KCTD15: variants seen among roughly 807,000 people sequenced by gnomAD.
The protein encoded by KCTD15 is potassium channel tetramerization domain containing 15.
KCTD15 carries 11 observed loss-of-function variants against 27.2 expected under a neutral mutation model. That is an observed-to-expected ratio of 0.41 (90% CI 0.25 to 0.67). The LOEUF is 0.67. KCTD15 is among the 30% of genes least tolerant of loss of function. The probability of loss-of-function intolerance (pLI) is 0.35; values close to 1 mark genes in which losing one functional copy is unlikely to be tolerated. For synonymous variants in KCTD15, 163 were observed against 176.0 expected, an observed-to-expected ratio of 0.93 and a Z score of 0.58; for missense variants, 350 against 409.3, an observed-to-expected ratio of 0.86 and a Z score of 1.25.
Position 33,812,895 on chromosome 19 carries a change from C to T in KCTD15, c.799C>T (p.Arg267Trp), listed in dbSNP as rs1420572296. ...SEYVLCREERRPQPTPTAVRI... is the reference protein window; with the variant it reads ...SEYVLCREERWPQPTPTAVRI... ...GTATGTGCTTTGCCGGGAGGAGCGGCGGCCGCAGCCCACCCCCACTGCTGT... is the reference window on the plus strand; with the variant it reads ...GTATGTGCTTTGCCGGGAGGAGCGGTGGCCGCAGCCCACCCCCACTGCTGT... Residue 267 changes from arginine to tryptophan, a missense_variant, in exon 7 of 7, where the codon CGG becomes TGG. Transcript: ENST00000683859. 9 of 1,549,818 alleles carry T rather than the reference C, an allele frequency of 5.8e-6. No individual in the cohort carries two copies. The highest frequency in any genetic ancestry group is 1.2e-5 in the South Asian group (1 of 83,902).
chr19:33,804,618 CA>C (rs1262894687), intron 4 of KCTD15, among the ~76,000 whole-genome samples: 2 of 152,218 alleles, frequency 1.3e-5, no homozygotes, highest in African/African-American at 4.8e-5. Context: ...TGGTATCTGG[CA>C]GCCTGGGACA....
rs74578614 is a variant in KCTD15 at position 33,807,130 on chromosome 19, C to T, written c.387+123C>T. On this transcript the variant is annotated intron_variant, in intron 5 of 6. Transcript: ENST00000683859. ...ACCATAAAAAGTTAAACGATGAAGC[C>T]GAGGGCTAAATCAGTTTTTCTAAAC... The T allele has an allele frequency of 5.5e-5, 66 of 1,194,438 alleles. 1 individual carries two copies. The highest frequency in any genetic ancestry group is 4.5e-4 in the South Asian group (29 of 64,988). The allele number at this position is 1,194,438 out of a possible 1,614,324, so 74.0% of individuals were successfully genotyped here. A position where few individuals can be genotyped will look rare whatever the true frequency, so the allele number is the denominator to read the frequency against.
intron 2 of KCTD15, among the ~76,000 whole-genome samples, chr19:33,799,394 G>A (rs540731791): frequency 3.9e-5 from 6 of 152,334 alleles, no homozygotes; most frequent in East Asian, 1.9e-4. Flanking sequence ...TTCGAGAGAC[G>A]TCCAGGGTAG....
rs1975991682 is a variant in KCTD15 at position 33,813,336 on chromosome 19, A to G, written c.*388A>G. 2.1e-6 allele frequency: 1 copy of G among 484,094 alleles called. No individual in the cohort carries two copies. 30.0% of individuals were successfully genotyped at this position (484,094 alleles called of 1,614,324 possible). On this transcript the variant is annotated 3_prime_UTR_variant, in exon 7 of 7. Transcript: ENST00000683859. ...CGGGGCAGACTCTGGCGGGTCTCCT[A>G]GCGTCCGAGAGATGGCTTATTTTCT...
chr19:33,813,135 C>A lies in KCTD15; in HGVS notation c.*187C>A. The A allele has an allele frequency of 1.5e-6, 1 of 645,912 alleles. No homozygotes were observed. The highest frequency in any genetic ancestry group is 2.7e-6 in the Non-Finnish European group (1 of 366,030). 40.0% of individuals were successfully genotyped at this position (645,912 alleles called of 1,614,324 possible). A position where few individuals can be genotyped will look rare whatever the true frequency, so the allele number is the denominator to read the frequency against. On this transcript the variant is annotated 3_prime_UTR_variant, in exon 7 of 7. Transcript: ENST00000683859. ...ACGTGGGATGCTGGAGGCATGCCTG[C>A]AGAAGGACTGTTGATGCGACCCAAA...
chr19:33,794,447 T>C (rs1345333251), upstream of KCTD15, among the ~76,000 whole-genome samples: 1 of 152,206 alleles, frequency 6.6e-6, no homozygotes, highest in African/African-American at 2.4e-5. Context: ...TTAATTTATA[T>C]GTATATATTC....
chr19:33,800,163 C>T (rs1370885589), intron 2 of KCTD15, among the ~76,000 whole-genome samples: 1 of 152,150 alleles, frequency 6.6e-6, no homozygotes, highest in Non-Finnish European at 1.5e-5. Context: ...AATTAGCAGA[C>T]ATGGAGCTGC....
chr19:33,801,640 G>A (rs1568377368), intron 4 of KCTD15: 5 of 294,288 alleles, frequency 1.7e-5, no homozygotes, highest in Middle Eastern at 9.5e-4. Flanking sequence ...TGAGCCTGCC[G>A]GCAGCGGGCA....
intron 4 of KCTD15, chr19:33,801,557 G>A (rs769004364): frequency 1.0e-4 from 45 of 449,212 alleles, no homozygotes; most frequent in African/African-American, 5.2e-4. Flanking sequence ...CTGACTTGGC[G>A]GCATTGGTAG....
chr19:33,811,792 A>G (rs772440030), intron 6 of KCTD15: 7 of 1,594,730 alleles, frequency 4.4e-6, no homozygotes, highest in African/African-American at 1.4e-5. Context: ...TTCCAAAAGG[A>G]TGTTCTATAA....
chr19:33,794,679 C>G (rs1437164720), upstream of KCTD15, among the ~76,000 whole-genome samples: 1 of 152,244 alleles, frequency 6.6e-6, no homozygotes, highest in Non-Finnish European at 1.5e-5. Context: ...GGCACCCACA[C>G]ACACAACCTC....
intron 5 of KCTD15, among the ~76,000 whole-genome samples, chr19:33,808,674 T>G (rs1599684193): frequency 1.7e-5 from 2 of 119,396 alleles, no homozygotes; most frequent in African/African-American, 3.3e-5. Context: ...ATCTGCAAAT[T>G]GGGAAGATCT....
intron 2 of KCTD15, 77 bp from the exon 3 acceptor site, chr19:33,800,351 A>G (rs186087226): frequency 2.7e-5 from 33 of 1,225,826 alleles, no homozygotes; most frequent in East Asian, 2.6e-4. Flanking sequence ...AGAAAGGACA[A>G]TTCTAAGTGT....
chr19:33,801,486 G>A, intron 4 of KCTD15, 144 bp downstream of exon 4: 3 of 683,224 alleles, frequency 4.4e-6, no homozygotes, highest in Non-Finnish European at 7.0e-6. Flanking sequence ...GCCTGAGGGA[G>A]CTAGGGTTGG....
chr19:33,814,113 CT>C lies in KCTD15; in HGVS notation c.*1166del, dbSNP rs1183039814. On this transcript the variant is annotated 3_prime_UTR_variant, in exon 7 of 7. Transcript: ENST00000683859. ...GCGGGGCTCCCCAGCCATCACCATC[CT>C]GTGTACAATGGCTGTAGACTTGTAT... is the stretch of plus-strand genomic sequence containing the variant. 9 of 152,798 alleles carry C rather than the reference CT, an allele frequency of 5.9e-5. No homozygotes were observed. Among genetic ancestry groups the C allele is most frequent in the African/African-American group, 2.2e-4 (9 of 41,566 alleles). The allele number at this position is 152,798 out of a possible 1,614,324, so 9.5% of individuals were successfully genotyped here.
chr19:33,811,188 C>CAG, intron 5 of KCTD15, 59 bp from the exon 6 acceptor site: 1 of 1,098,072 alleles, frequency 9.1e-7, no homozygotes, highest in East Asian at 2.8e-5. Flanking sequence ...CCCCTCTCCC[C>CAG]CTTCCCCCAC....
chr19:33,803,175 G>T (rs1441472416), intron 4 of KCTD15, among the ~76,000 whole-genome samples: 1 of 152,224 alleles, frequency 6.6e-6, no homozygotes, highest in African/African-American at 2.4e-5. Context: ...TCTGGCTGCT[G>T]TGGGGGTGCT....
intron 6 of KCTD15, chr19:33,812,126 G>A (rs1456891344): frequency 7.9e-7 from 1 of 1,273,412 alleles, no homozygotes; most frequent in Non-Finnish European, 9.9e-7. Context: ...GCAGGGAAGA[G>A]GGCCCCCTGT....
At chr19:33,794,519 G>A (rs945769801), upstream of KCTD15, among the ~76,000 whole-genome samples, 3 of 152,206 alleles carry the variant, frequency 2.0e-5, no homozygotes, top group Admixed American at 6.5e-5. Context: ...GACAAAAGAG[G>A]TGTGAGGGGC....
Sources: allele counts gnomAD v4.1 joint callset (sites outside exome capture counted in the v4.1 genomes callset), GRCh38; gene constraint gnomAD v4.1.1; transcripts MANE v1.5; gene names NCBI Gene and HGNC (gene_info 2026-07-23, HGNC 2026-07-21).